CPEB1: variants seen among roughly 807,000 people sequenced by gnomAD.
CPEB1 encodes the protein cytoplasmic polyadenylation element-binding protein 1.
In CPEB1, 7 loss-of-function variants were observed where a neutral mutation model predicts 65.8. The ratio of observed to expected loss-of-function variants is 0.11; its 90% confidence interval spans 0.06 to 0.20. The LOEUF (loss-of-function observed/expected upper bound fraction) is 0.20. Ranked by LOEUF, CPEB1 falls within the 10% of genes least tolerant of loss-of-function variation. The probability of loss-of-function intolerance (pLI) is 1.00; values close to 1 mark genes in which losing one functional copy is unlikely to be tolerated. For synonymous variants in CPEB1, 262 were observed against 260.0 expected, an observed-to-expected ratio of 1.01 and a Z score of -0.08; for missense variants, 551 against 712.2, an observed-to-expected ratio of 0.77 and a Z score of 2.58.
chr15:82,566,078 C>T (rs1345884190), intron 4 of CPEB1, among the ~76,000 whole-genome samples: 2 of 152,162 alleles, frequency 1.3e-5, no homozygotes, highest in African/African-American at 2.4e-5. Context: ...CAGCTCCTGT[C>T]GGTTTTACAG....
At chr15:82,591,869 G>T (rs1415890089) in intron 3 of CPEB1, among the ~76,000 whole-genome samples, 3 of 146,426 alleles carry the variant, frequency 2.0e-5, no homozygotes, top group Admixed American at 1.4e-4. Flanking sequence ...TTAAGACAGG[G>T]TCTTAATCTG....
rs1484399401 is a variant in CPEB1, at chr15:82,571,562, TCA to T, written c.272-32_272-31del. On this transcript the variant is annotated intron_variant, in intron 3 of 12. Transcript: ENST00000684509. The stretch of plus-strand genomic sequence containing the variant: ...TTTGGAAAGGAGCACAGCAGAAACC[TCA>T]GAGTTAAGGGCTGTTTTCCCCAATA... The T allele has an allele frequency of 2.5e-6, 4 of 1,599,404 alleles. 1 individual carries two copies. The highest frequency in any genetic ancestry group is 3.4e-5 in the Admixed American group (2 of 58,276).
intron 3 of CPEB1, among the ~76,000 whole-genome samples, chr15:82,573,891 CA>C (rs1457450841): frequency 6.6e-6 from 1 of 152,120 alleles, no homozygotes; most frequent in Non-Finnish European, 1.5e-5. Context: ...TGCTTGAGCC[CA>C]GGAGTTCAAG....
chr15:82,571,789 C>A, intron 3 of CPEB1: 1 of 1,263,478 alleles, frequency 7.9e-7, no homozygotes, highest in Non-Finnish European at 1.0e-6. Context: ...GATCAGGCTG[C>A]TGATGCTTCC....
intron 5 of CPEB1, among the ~76,000 whole-genome samples, chr15:82,556,860 C>A (rs1382401226): frequency 6.6e-6 from 1 of 152,180 alleles, no homozygotes; most frequent in Admixed American, 6.5e-5. Context: ...AGTGAGAACA[C>A]CATCGCCAAC....
At chr15:82,580,897 G>T (rs2041222859) in intron 3 of CPEB1, among the ~76,000 whole-genome samples, 1 of 151,220 alleles carries the variant, frequency 6.6e-6, no homozygotes, top group Non-Finnish European at 1.5e-5. Flanking sequence ...TGTCACCCAG[G>T]TTGGGATGCA....
At chr15:82,561,653 A>G (rs569323276) in intron 4 of CPEB1, among the ~76,000 whole-genome samples, 4 of 152,188 alleles carry the variant, frequency 2.6e-5, no homozygotes, top group Non-Finnish European at 5.9e-5. Flanking sequence ...CCTCATTCAC[A>G]TCATTTGTAT....
chr15:82,565,410 C>T (rs1415564797), intron 4 of CPEB1, among the ~76,000 whole-genome samples: 6 of 152,158 alleles, frequency 3.9e-5, no homozygotes, highest in South Asian at 2.1e-4. Flanking sequence ...TTGCTGAGTA[C>T]GCAGCACCGA....
chr15:82,595,748 T>A (rs1209917638), intron 3 of CPEB1, among the ~76,000 whole-genome samples: 1 of 152,252 alleles, frequency 6.6e-6, no homozygotes, highest in Non-Finnish European at 1.5e-5. Flanking sequence ...AAATTAAGTT[T>A]ATTTTTTAAA....
In CPEB1 at chr15:82,549,632, G is replaced by A. The variant is rs758034278; in HGVS notation, c.1308C>T (p.Ala436=). ...ATGGGCTCCGGACAAAGTTACTGTC[G>A]GCTAATACCCAGGGGATCACCTGCA... ...KEVQVIPWVL[A]DSNFVRSPSQ... The change falls in exon 10 of 13, where the codon GCC becomes GCT. Residue 436 remains alanine, a synonymous_variant. Coordinates refer to ENST00000684509, the MANE Select transcript of CPEB1 (RefSeq NM_001365242.1). 24 of 1,614,012 alleles carry A rather than the reference G, an allele frequency of 1.5e-5. No individual in the cohort carries two copies. The highest frequency in any genetic ancestry group is 1.6e-4 in the Middle Eastern group (1 of 6,084).
chr15:82,569,111 A>C (rs1430577256), intron 4 of CPEB1, among the ~76,000 whole-genome samples: 1 of 152,222 alleles, frequency 6.6e-6, no homozygotes, highest in Non-Finnish European at 1.5e-5. Context: ...GCTGGTTTTC[A>C]GACGGAAAGG....
chr15:82,589,210 T>C (rs1307915922), intron 3 of CPEB1, among the ~76,000 whole-genome samples: 1 of 152,220 alleles, frequency 6.6e-6, no homozygotes, highest in Non-Finnish European at 1.5e-5. Context: ...CTCTTAAACA[T>C]CCCAAGTTCA....
At chr15:82,591,728 CT>C (rs1455994730) in intron 3 of CPEB1, among the ~76,000 whole-genome samples, 1 of 152,034 alleles carries the variant, frequency 6.6e-6, no homozygotes, top group Non-Finnish European at 1.5e-5. Context: ...TATTTTCTGT[CT>C]CTACAGATTT....
At chr15:82,600,995 C>T (rs954802465) in intron 3 of CPEB1, among the ~76,000 whole-genome samples, 6 of 150,098 alleles carry the variant, frequency 4.0e-5, no homozygotes, top group African/African-American at 1.2e-4. Flanking sequence ...ACCTCCACCT[C>T]CCGAGTTCAA....
chr15:82,606,962 G>A (rs1333039325), intron 3 of CPEB1, among the ~76,000 whole-genome samples: 1 of 151,594 alleles, frequency 6.6e-6, no homozygotes, highest in African/African-American at 2.4e-5. Flanking sequence ...GCAAGACTTT[G>A]TCTCTTTAAA....
intron 3 of CPEB1, among the ~76,000 whole-genome samples, chr15:82,607,103 G>C (rs2043686106): frequency 6.6e-6 from 1 of 152,000 alleles, no homozygotes; most frequent in African/African-American, 2.4e-5. Context: ...AGCAGTAATG[G>C]AAGAATAGGG....
chr15:82,630,768 G>A (rs748010919), intron 1 of CPEB1, among the ~76,000 whole-genome samples: 1 of 152,172 alleles, frequency 6.6e-6, no homozygotes, highest in Non-Finnish European at 1.5e-5. Flanking sequence ...AAGAACACAA[G>A]AGAGTAGAGA....
At chr15:82,574,498 G>T (rs377104410) in intron 3 of CPEB1, among the ~76,000 whole-genome samples, 1 of 151,936 alleles carries the variant, frequency 6.6e-6, no homozygotes, top group Non-Finnish European at 1.5e-5. Flanking sequence ...CAGGCAGATC[G>T]CTTGAGGTCA....
chr15:82,563,502 A>C (rs1029083343), intron 4 of CPEB1, among the ~76,000 whole-genome samples: 4 of 126,206 alleles, frequency 3.2e-5, no homozygotes, highest in Non-Finnish European at 1.7e-5. Flanking sequence ...ATGTCTGACT[A>C]ATTTTTTTTT....
Sources: allele counts gnomAD v4.1 joint callset (sites outside exome capture counted in the v4.1 genomes callset), GRCh38; gene constraint gnomAD v4.1.1; transcripts MANE v1.5; gene names NCBI Gene and HGNC (gene_info 2026-07-23, HGNC 2026-07-21).